Variants in NCAM2 observed in about 807,000 individuals in gnomAD.
NCAM2 encodes N-CAM-2.
In NCAM2, 30 loss-of-function variants were observed where a neutral mutation model predicts 98.1. The ratio of observed to expected loss-of-function variants is 0.31; its 90% CI spans 0.23 to 0.41. The LOEUF is 0.41. Ranked by LOEUF, NCAM2 falls within the 10% of genes least tolerant of loss-of-function variation. The pLI, the probability that NCAM2 is intolerant of heterozygous loss-of-function variation, is 1.00. For missense variants in NCAM2, 867 were observed against 1,005.8 expected (o/e 0.86, Z 1.87); for synonymous variants, 368 against 342.4 (o/e 1.07, Z -0.83).
chr21:21,159,875 A>G (rs995243004), intron 1 of NCAM2, among the ~76,000 whole-genome samples: 1 of 152,040 alleles, frequency 6.6e-6, no homozygotes, highest in Non-Finnish European at 1.5e-5. Context: ...AAAAATGAGT[A>G]TACATATACA....
At chr21:21,259,438 G>T (rs575966192) in intron 1 of NCAM2, among the ~76,000 whole-genome samples, 1 of 58,884 alleles carries the variant, frequency 1.7e-5, no homozygotes, top group South Asian at 8.5e-4. Flanking sequence ...TGAGGAGCTG[G>T]TGCATCCCCC....
chr21:21,504,274 G>A (rs1003157696), intron 15 of NCAM2, among the ~76,000 whole-genome samples: 1 of 151,832 alleles, frequency 6.6e-6, no homozygotes, highest in African/African-American at 2.4e-5. Context: ...CTGGATCTCA[G>A]TTTTCTTTTA....
intron 12 of NCAM2, among the ~76,000 whole-genome samples, chr21:21,458,649 T>C (rs182052052): frequency 1.3e-5 from 2 of 152,334 alleles, no homozygotes; most frequent in Admixed American, 6.5e-5. Context: ...TCCTTGATCT[T>C]GGACTTCCCA....
chr21:21,379,253 T>C (rs2076097765), intron 9 of NCAM2, among the ~76,000 whole-genome samples: 1 of 152,082 alleles, frequency 6.6e-6, no homozygotes, highest in Non-Finnish European at 1.5e-5. Context: ...TATGTCTGTT[T>C]TCCAGTTTGA....
At chr21:21,451,686 C>G (rs1009348149) in intron 12 of NCAM2, among the ~76,000 whole-genome samples, 1 of 152,068 alleles carries the variant, frequency 6.6e-6, no homozygotes, top group Non-Finnish European at 1.5e-5. Context: ...GGGAATCCCC[C>G]TTGGTGACAG....
chr21:21,270,244 A>T (rs2826759), intron 1 of NCAM2, among the ~76,000 whole-genome samples: 25,672 of 152,082 alleles, frequency 0.17, 2,267 homozygotes, highest in Non-Finnish European at 0.2. Context: ...CCTCTTCAAG[A>T]TATTTTAGTT....
intron 6 of NCAM2, among the ~76,000 whole-genome samples, chr21:21,327,957 C>T (rs1601990542): frequency 6.6e-6 from 1 of 152,118 alleles, no homozygotes; most frequent in Non-Finnish European, 1.5e-5. Context: ...CCTTCATTTT[C>T]GTTCAAACGG....
chr21:21,086,182 G>C (rs1343031553), intron 1 of NCAM2, among the ~76,000 whole-genome samples: 1 of 152,176 alleles, frequency 6.6e-6, no homozygotes, highest in Non-Finnish European at 1.5e-5. Flanking sequence ...TAAAAAGTGA[G>C]GGAAATCAGG....
At chr21:21,319,209 A>G (rs2074304333) in intron 5 of NCAM2, among the ~76,000 whole-genome samples, 2 of 152,240 alleles carry the variant, frequency 1.3e-5, no homozygotes, top group South Asian at 2.1e-4. Context: ...TGGATGGAAA[A>G]TATTTTTTAA....
intron 6 of NCAM2, among the ~76,000 whole-genome samples, chr21:21,327,540 C>A (rs533169821): frequency 1.2e-4 from 18 of 151,766 alleles, no homozygotes; most frequent in African/African-American, 4.1e-4. Flanking sequence ...TTATAGAAAC[C>A]GAAAGTAGAT....
intron 1 of NCAM2, among the ~76,000 whole-genome samples, chr21:21,215,705 G>A (rs1444622260): frequency 6.6e-6 from 1 of 152,048 alleles, no homozygotes; most frequent in Non-Finnish European, 1.5e-5. Flanking sequence ...TGCAGCCTAG[G>A]CGACAGAGCA....
At chr21:21,357,566 T>C (rs897297870) in intron 8 of NCAM2, among the ~76,000 whole-genome samples, 2 of 152,060 alleles carry the variant, frequency 1.3e-5, no homozygotes, top group Non-Finnish European at 2.9e-5. Context: ...AACTAAAATA[T>C]AAAAAAGTGG....
chr21:21,204,779 C>T (rs1157818494), intron 1 of NCAM2, among the ~76,000 whole-genome samples: 4 of 152,096 alleles, frequency 2.6e-5, no homozygotes, highest in Admixed American at 2.0e-4. Flanking sequence ...CATATCATTG[C>T]ATATGGCCAT....
intron 1 of NCAM2, among the ~76,000 whole-genome samples, chr21:21,222,767 A>G (rs969431882): frequency 6.6e-6 from 1 of 152,186 alleles, no homozygotes; most frequent in Non-Finnish European, 1.5e-5. Context: ...GAATATTACT[A>G]AAACTTAGTT....
At chr21:21,344,102 A>C (rs936789576) in intron 8 of NCAM2, among the ~76,000 whole-genome samples, 1 of 152,164 alleles carries the variant, frequency 6.6e-6, no homozygotes, top group African/African-American at 2.4e-5. Context: ...TCCATGTCTT[A>C]TCTCCCAAAC....
intron 8 of NCAM2, among the ~76,000 whole-genome samples, chr21:21,358,237 G>A (rs958936370): frequency 6.6e-6 from 1 of 152,064 alleles, no homozygotes; most frequent in African/African-American, 2.4e-5. Flanking sequence ...ATTCAGCGTA[G>A]TGGGACTAAC....
At position 21,445,769 on chromosome 21, in the gene NCAM2, T is replaced by A. The variant is rs565181456; in HGVS notation, c.1654+13488T>A. Among the ~76,000 whole-genome samples the A allele has an allele frequency of 3.9e-5, 6 of 152,298 alleles. No individual in the cohort carries two copies. In the South Asian group the frequency reaches 1.2e-3, roughly 32 times the overall value. On this transcript the variant is annotated intron_variant, in intron 12 of 17. Coordinates refer to ENST00000400546, the MANE Select transcript of NCAM2 (RefSeq NM_004540.5). ...ATACAACACACTGATGGGTCTTGAC[T>A]CTTTATCCACTTTGCCAGTCTGTGT... is the stretch of plus-strand genomic sequence containing the variant.
chr21:21,473,840 A>G (rs1350996580), intron 14 of NCAM2, among the ~76,000 whole-genome samples: 2 of 150,760 alleles, frequency 1.3e-5, no homozygotes, highest in Non-Finnish European at 2.9e-5. Context: ...TGCTGATAGT[A>G]TGACTTCAGA....
intron 11 of NCAM2, among the ~76,000 whole-genome samples, chr21:21,424,542 C>A (rs1222003348): frequency 6.6e-6 from 1 of 151,788 alleles, no homozygotes; most frequent in Non-Finnish European, 1.5e-5. Context: ...AGAAACAGGT[C>A]CAGGGAAGAT....
Sources: allele counts gnomAD v4.1 joint callset (sites outside exome capture counted in the v4.1 genomes callset), GRCh38; gene constraint gnomAD v4.1.1; transcripts MANE v1.5; gene names NCBI Gene and HGNC (gene_info 2026-07-23, HGNC 2026-07-21).